PLEKHA5: variants seen among roughly 807,000 people sequenced by gnomAD.
The protein encoded by PLEKHA5 is pleckstrin homology domain containing A5, also known as pleckstrin homology domain-containing family A member 5.
In PLEKHA5, 55 loss-of-function variants were observed where a neutral mutation model predicts 181.9. The observed-to-expected ratio is 0.30, with a 90% CI of 0.24 to 0.38. The LOEUF (loss-of-function observed/expected upper bound fraction) is 0.38, where lower values mean the gene tolerates loss of function less well. Among genes scored for constraint, PLEKHA5 ranks in the 10% least tolerant of loss-of-function variants. The pLI is 1.00. For missense variants in PLEKHA5, 1,432 were observed against 1,549.5 expected (o/e 0.92, Z 1.27); for synonymous variants, 535 against 529.4 (o/e 1.01, Z -0.15).
intron 20 of PLEKHA5, among the ~76,000 whole-genome samples, chr12:19,328,187 C>T (rs766829031): frequency 1.2e-4 from 18 of 152,120 alleles, no homozygotes; most frequent in Non-Finnish European, 8.8e-5. Flanking sequence ...TTCCCTTGGT[C>T]TGCGTCTGTT....
intron 3 of PLEKHA5, among the ~76,000 whole-genome samples, chr12:19,160,112 A>G (rs560463259): frequency 6.6e-6 from 1 of 152,108 alleles, no homozygotes; most frequent in East Asian, 1.9e-4. Flanking sequence ...ACACTGTTAA[A>G]TCTATTTTTT....
intron 3 of PLEKHA5, among the ~76,000 whole-genome samples, chr12:19,137,066 G>A (rs547360388): frequency 4.6e-5 from 7 of 151,020 alleles, no homozygotes; most frequent in Non-Finnish European, 7.4e-5. Context: ...TCTTTGAGAC[G>A]GAGTTTCACT....
At position 19,229,017 on chromosome 12, in the gene PLEKHA5, T is replaced by C. The variant is rs549793448; in HGVS notation, c.228-24923T>C. Among the ~76,000 whole-genome samples, 68 of 152,316 alleles carry C rather than the reference T, an allele frequency of 4.5e-4. 3 individuals carry two copies. The South Asian group carries it at 0.014, about 31-fold the overall frequency. On this transcript the variant is annotated intron_variant, in intron 3 of 31. Coordinates refer to ENST00000429027, the MANE Select transcript of PLEKHA5 (RefSeq NM_001256470.2). The stretch of plus-strand genomic sequence containing the variant: ...AAAAACTTGTTGACAAAGGAATTTA[T>C]ACAAATGAAGTGTAAAAACAGACAA...
intron 15 of PLEKHA5, among the ~76,000 whole-genome samples, chr12:19,311,225 A>G (rs915294464): frequency 6.6e-6 from 1 of 151,170 alleles, no homozygotes; most frequent in African/African-American, 2.4e-5. Flanking sequence ...CAGGAGTTTG[A>G]GACCAGCCTT....
At chr12:19,250,293 A>T (rs2064923527) in intron 3 of PLEKHA5, among the ~76,000 whole-genome samples, 1 of 152,104 alleles carries the variant, frequency 6.6e-6, no homozygotes, top group Non-Finnish European at 1.5e-5. Flanking sequence ...TTATATCAAG[A>T]CCTGAATTTG....
intron 29 of PLEKHA5, among the ~76,000 whole-genome samples, chr12:19,363,142 T>TTTG (rs2095313076): frequency 6.7e-6 from 1 of 149,044 alleles, no homozygotes; most frequent in Non-Finnish European, 1.5e-5. Flanking sequence ...TGTTGTTGTT[T>TTTG]TTTTGTTTTT....
intron 16 of PLEKHA5, chr12:19,319,642 A>G (rs2090092055): frequency 5.7e-6 from 1 of 176,920 alleles, no homozygotes; most frequent in Non-Finnish European, 1.2e-5. Flanking sequence ...AATTTTTTCT[A>G]CTGTGTTTTT....
At chr12:19,177,116 T>C (rs887876802) in intron 3 of PLEKHA5, among the ~76,000 whole-genome samples, 7 of 152,184 alleles carry the variant, frequency 4.6e-5, no homozygotes, top group African/African-American at 1.7e-4. Flanking sequence ...TCTACCCATC[T>C]TGGCCTCCCA....
At chr12:19,304,051 C>T (rs545232954) in intron 15 of PLEKHA5, among the ~76,000 whole-genome samples, 13 of 151,664 alleles carry the variant, frequency 8.6e-5, no homozygotes, top group African/African-American at 3.1e-4. Flanking sequence ...TCAAGTGATC[C>T]ACCTGCCTTG....
intron 1 of PLEKHA5, 80 bp from the exon 2 acceptor site, chr12:19,129,971 G>T (rs912225004): frequency 1.2e-5 from 17 of 1,464,576 alleles, no homozygotes; most frequent in Middle Eastern, 1.8e-4. Context: ...GAGAGCCCGG[G>T]TCTGTGCTCC....
chr12:19,231,280 A>ACTGTTAGT, intron 3 of PLEKHA5, among the ~76,000 whole-genome samples: 1 of 152,154 alleles, frequency 6.6e-6, no homozygotes, highest in South Asian at 2.1e-4. Context: ...ACAAGTGTAG[A>ACTGTTAGT]ATTGACTGTT....
chr12:19,340,431 C>CG (rs71064089), intron 21 of PLEKHA5, among the ~76,000 whole-genome samples: 4 of 108,496 alleles, frequency 3.7e-5, no homozygotes, highest in Non-Finnish European at 6.8e-5. Flanking sequence ...TCTGCCCGGC[C>CG]ACCACCCCGT....
intron 3 of PLEKHA5, among the ~76,000 whole-genome samples, chr12:19,223,218 A>C (rs1179846959): frequency 6.6e-6 from 1 of 152,094 alleles, no homozygotes; most frequent in Non-Finnish European, 1.5e-5. Context: ...CTGTTATTCA[A>C]GCATACATGG....
intron 13 of PLEKHA5, among the ~76,000 whole-genome samples, chr12:19,290,156 C>A (rs925397452): frequency 6.6e-6 from 1 of 151,948 alleles, no homozygotes; most frequent in Non-Finnish European, 1.5e-5. Context: ...TGGTCTCGAA[C>A]TTCTGACCTT....
chr12:19,257,570 C>G (rs762507815), intron 6 of PLEKHA5, 33 bp downstream of exon 6: 1 of 1,091,666 alleles, frequency 9.2e-7, no homozygotes, highest in East Asian at 2.4e-5. Context: ...AAACAAAAGA[C>G]AGAATTAGAA....
intron 16 of PLEKHA5, 90 bp from the exon 17 acceptor site, chr12:19,319,931 A>G: frequency 3.9e-6 from 3 of 771,682 alleles, no homozygotes; most frequent in South Asian, 3.3e-5. Context: ...GACTATCCAT[A>G]GTTTATAACA....
At chr12:19,135,699 C>G (rs2035406247) in intron 3 of PLEKHA5, among the ~76,000 whole-genome samples, 1 of 151,978 alleles carries the variant, frequency 6.6e-6, no homozygotes, top group Non-Finnish European at 1.5e-5. Context: ...CTAATGTAAA[C>G]AAAGGACCTG....
At chr12:19,279,249 G>C (rs1487626279) in intron 11 of PLEKHA5, among the ~76,000 whole-genome samples, 2 of 152,208 alleles carry the variant, frequency 1.3e-5, no homozygotes, top group Non-Finnish European at 2.9e-5. Context: ...AAAATAGAGG[G>C]ATTTTTTTAA....
In PLEKHA5 at chr12:19,286,964, C is replaced by CAA. The variant is rs563435759; in HGVS notation, c.1780-504_1780-503dup. Among the ~76,000 whole-genome samples, 122 of 102,750 alleles carry CAA rather than the reference C, an allele frequency of 1.2e-3. 3 individuals carry two copies. Among genetic ancestry groups the CAA allele is most frequent in the African/African-American group, 3.3e-3 (99 of 30,338 alleles). The allele number at this position is 102,750 out of a possible 152,430, so 67.4% of individuals were successfully genotyped here. A position where few individuals can be genotyped will look rare whatever the true frequency, so the allele number is the denominator to read the frequency against. ...TGGGCAACAGAGTGAGACTCTGCTTCAAAAAACAAAAAAAAAAAGAATTAC... is the reference window on the plus strand; with the variant it reads ...TGGGCAACAGAGTGAGACTCTGCTTCAAAAAAAACAAAAAAAAAAAGAATTAC... On this transcript the variant is annotated intron_variant, in intron 12 of 31. Transcript: ENST00000429027.
Sources: allele counts gnomAD v4.1 joint callset (sites outside exome capture counted in the v4.1 genomes callset), GRCh38; gene constraint gnomAD v4.1.1; transcripts MANE v1.5; gene names NCBI Gene and HGNC (gene_info 2026-07-23, HGNC 2026-07-21).